The following EXD2 variants were observed in gnomAD, a reference collection of about 807,000 sequenced individuals.
The protein encoded by EXD2 is exonuclease 3'-5' domain containing 2.
In EXD2, 40 loss-of-function variants were observed where a neutral mutation model predicts 62.5. That is an observed-to-expected ratio of 0.64 (90% confidence interval 0.50 to 0.83). EXD2 has a LOEUF of 0.83. Ranked by LOEUF, EXD2 falls within the 40% of genes least tolerant of loss-of-function variation. The probability of loss-of-function intolerance (pLI) is 0.00; values close to 1 mark genes in which losing one functional copy is unlikely to be tolerated. For missense variants in EXD2, 671 were observed against 761.8 expected, an observed-to-expected ratio of 0.88 and a Z score of 1.40; for synonymous variants, 239 against 291.9, an observed-to-expected ratio of 0.82 and a Z score of 1.85.
Position 69,230,617 on chromosome 14 carries a change from G to A in EXD2, c.717+19G>A, listed in dbSNP as rs1032660117. ...GGACCAGGTACTTCTTATCAGAGTAGTTGAAGAATGGAAAGTCATTGTTTC... is the reference window on the plus strand; with the variant it reads ...GGACCAGGTACTTCTTATCAGAGTAATTGAAGAATGGAAAGTCATTGTTTC... On this transcript the variant is annotated intron_variant, in intron 5 of 9. Transcript: ENST00000685843. 1 of 1,585,312 alleles carries A rather than the reference G, an allele frequency of 6.3e-7. No individual in the cohort carries two copies. The highest frequency in any genetic ancestry group is 1.4e-5 in the African/African-American group (1 of 73,276).
intron 9 of EXD2, 141 bp from the exon 10 acceptor site, chr14:69,240,743 G>A (rs777959888): frequency 1.2e-4 from 75 of 643,112 alleles, no homozygotes; most frequent in Non-Finnish European, 1.6e-4. Context: ...GAAAGAGGAT[G>A]TTTCGAAAAC....
At chr14:69,238,024 G>T in intron 9 of EXD2, 93 bp downstream of exon 9, 1 of 1,122,520 alleles carries the variant, frequency 8.9e-7, no homozygotes, top group Non-Finnish European at 1.3e-6. Context: ...TGGCTGCTTA[G>T]GCACAGTGCC....
chr14:69,201,931 C>T (rs1314190833), intron 1 of EXD2, among the ~76,000 whole-genome samples: 1 of 151,882 alleles, frequency 6.6e-6, no homozygotes, highest in Non-Finnish European at 1.5e-5. Context: ...TTCCACCTGC[C>T]TCGGCCTCCC....
intron 3 of EXD2, among the ~76,000 whole-genome samples, chr14:69,217,084 G>A (rs1180953333): frequency 2.0e-5 from 3 of 151,820 alleles, no homozygotes; most frequent in East Asian, 1.9e-4. Context: ...ACATGTTCTC[G>A]CTCTGTTACC....
chr14:69,237,477 G>C, intron 8 of EXD2, 98 bp from the exon 9 acceptor site: 1 of 1,099,994 alleles, frequency 9.1e-7, no homozygotes, highest in South Asian at 1.3e-5. Context: ...CTCAGTCATG[G>C]TTAGGCCCCA....
In EXD2 at chr14:69,241,079, T is replaced by A. The variant is rs1468390509; in HGVS notation, c.1845T>A (p.Asp615Glu). The A allele has an allele frequency of 2.5e-6, 4 of 1,612,364 alleles. No homozygotes were observed. In the African/African-American group the frequency reaches 4.0e-5, roughly 16 times the overall value. The change falls in exon 10 of 10, where the codon GAT (aspartate) becomes GAA (glutamate). Residue 615 changes from aspartate (D) to glutamate (E), a missense_variant. Transcript: ENST00000685843. ...AGCTGCTCCGGAAATTCGGGGAAGA[T>A]CTTCCCATCCAGCTGTCTTGATAGC... ...HQKLLRKFGE[D>E]LPIQLS
intron 3 of EXD2, among the ~76,000 whole-genome samples, chr14:69,220,129 T>C (rs1336571872): frequency 6.6e-6 from 1 of 151,970 alleles, no homozygotes. Context: ...TTGAAATACA[T>C]TGATTTTTGA....
chr14:69,195,444 G>A (rs898878951), intron 1 of EXD2, among the ~76,000 whole-genome samples: 4 of 152,148 alleles, frequency 2.6e-5, no homozygotes, highest in African/African-American at 4.8e-5. Context: ...TGACTCACCC[G>A]CCTTGGCCTT....
chr14:69,209,937 A>C, intron 3 of EXD2, 134 bp downstream of exon 3: 1 of 683,192 alleles, frequency 1.5e-6, no homozygotes, highest in East Asian at 2.9e-5. Context: ...GCTTATAAGC[A>C]GATTTTAGCA....
chr14:69,230,857 A>T (rs2043550423), intron 5 of EXD2, among the ~76,000 whole-genome samples: 2 of 152,168 alleles, frequency 1.3e-5, no homozygotes, highest in Non-Finnish European at 2.9e-5. Flanking sequence ...GTCTTGGCTC[A>T]CTGCAACCTC....
chr14:69,234,204 T>C (rs114650953), intron 5 of EXD2, among the ~76,000 whole-genome samples: 2,011 of 152,306 alleles, frequency 0.013, 41 homozygotes, highest in African/African-American at 0.047. Flanking sequence ...TATTTGTTTT[T>C]TTTGTTTTCA....
At chr14:69,237,294 C>G (rs543303367) in intron 8 of EXD2, among the ~76,000 whole-genome samples, 216 of 152,312 alleles carry the variant, frequency 1.4e-3, no homozygotes, top group African/African-American at 5.0e-3. Flanking sequence ...GGGAGCACAG[C>G]CTTCTCAGAG....
At chr14:69,212,505 G>C (rs1023151307) in intron 3 of EXD2, among the ~76,000 whole-genome samples, 2 of 149,986 alleles carry the variant, frequency 1.3e-5, no homozygotes, top group African/African-American at 4.9e-5. Flanking sequence ...TATTATTTTT[G>C]TTCTTCTTTA....
chr14:69,232,694 C>A (rs561547333), intron 5 of EXD2, among the ~76,000 whole-genome samples: 1 of 152,098 alleles, frequency 6.6e-6, no homozygotes, highest in Admixed American at 6.5e-5. Context: ...GTATATCTTC[C>A]GTGGAGAAAT....
At chr14:69,201,344 A>G (rs115314753) in intron 1 of EXD2, among the ~76,000 whole-genome samples, 2,016 of 151,870 alleles carry the variant, frequency 0.013, 41 homozygotes, top group African/African-American at 0.047. Flanking sequence ...ACATGCCACA[A>G]TGCCTGGCTA....
intron 2 of EXD2, chr14:69,209,170 A>G (rs532287826): frequency 2.2e-4 from 46 of 210,332 alleles, no homozygotes; most frequent in African/African-American, 9.9e-4. Context: ...ATGATTTTAT[A>G]TCATTAAGAG....
At chr14:69,197,337 C>A (rs1362373678) in intron 1 of EXD2, among the ~76,000 whole-genome samples, 1 of 151,842 alleles carries the variant, frequency 6.6e-6, no homozygotes, top group Non-Finnish European at 1.5e-5. Context: ...ATTCTAGATA[C>A]ACACCCTTCC....
At chr14:69,200,613 A>G (rs1269937524) in intron 1 of EXD2, among the ~76,000 whole-genome samples, 1 of 151,530 alleles carries the variant, frequency 6.6e-6, no homozygotes, top group African/African-American at 2.4e-5. Flanking sequence ...GGAGGCTAAG[A>G]TGGGAGGATG....
chr14:69,210,471 A>G (rs899270812), intron 3 of EXD2, among the ~76,000 whole-genome samples: 1 of 152,212 alleles, frequency 6.6e-6, no homozygotes, highest in Non-Finnish European at 1.5e-5. Context: ...CTTGCAAAAA[A>G]GTGAGTTACA....
Sources: allele counts gnomAD v4.1 joint callset (sites outside exome capture counted in the v4.1 genomes callset), GRCh38; gene constraint gnomAD v4.1.1; transcripts MANE v1.5; gene names NCBI Gene and HGNC (gene_info 2026-07-23, HGNC 2026-07-21).